Variants in TMPRSS13 observed in about 807,000 individuals in gnomAD.
TMPRSS13 encodes the protein transmembrane serine protease 13.
Under a neutral mutation model 68.4 loss-of-function variants are expected in TMPRSS13, and 50 were observed. The ratio of observed to expected loss-of-function variants is 0.73; its 90% confidence interval spans 0.58 to 0.93. The LOEUF (loss-of-function observed/expected upper bound fraction) is 0.93. Among genes scored for constraint, TMPRSS13 ranks in the 40% least tolerant of loss-of-function variants. TMPRSS13 has a pLI of 0.00. For synonymous variants in TMPRSS13, 267 were observed against 285.8 expected, an observed-to-expected ratio of 0.93 and a Z score of 0.66; for missense variants, 615 against 729.2, an observed-to-expected ratio of 0.84 and a Z score of 1.80.
At chr11:117,929,051 G>A (rs932379343) in intron 1 of TMPRSS13, among the ~76,000 whole-genome samples, 1 of 152,114 alleles carries the variant, frequency 6.6e-6, no homozygotes, top group African/African-American at 2.4e-5. Context: ...ATAGCCCTGG[G>A]GTGCTCACCA....
chr11:117,916,723 G>A (rs765669507), intron 3 of TMPRSS13, among the ~76,000 whole-genome samples: 1 of 152,184 alleles, frequency 6.6e-6, no homozygotes, highest in Non-Finnish European at 1.5e-5. Context: ...GTGTTTTCAT[G>A]TGTGTTTTTT....
At chr11:117,904,861 TTATA>T (rs58001868) in intron 10 of TMPRSS13, among the ~76,000 whole-genome samples, 192 of 100,644 alleles carry the variant, frequency 1.9e-3, no homozygotes, top group Non-Finnish European at 2.9e-3. Context: ...CTAGATAAGA[TTATA>T]TATATATATA....
At chr11:117,927,004 T>G (rs971125420) in intron 1 of TMPRSS13, among the ~76,000 whole-genome samples, 1 of 152,230 alleles carries the variant, frequency 6.6e-6, no homozygotes, top group African/African-American at 2.4e-5. Context: ...TCCTTACATA[T>G]TTTAAGTTCG....
rs1054457624 is a variant in TMPRSS13 at position 117,915,690 on chromosome 11, A to T, written c.557-1176T>A. 2.0e-5 allele frequency among the ~76,000 whole-genome samples: 3 copies of T among 152,206 alleles called. No individual in the cohort carries two copies. The highest frequency in any genetic ancestry group is 6.5e-5 in the Admixed American group (1 of 15,286). On this transcript the variant is annotated intron_variant, in intron 3 of 12. Transcript: ENST00000524993. This position sits in a 1 kb window ranked among gnomAD's most constrained non-coding sequence, Gnocchi z 4.9. ...AGTCAAGCCACCTCCTTAGCCCTGG[A>T]GGTCTAGAGGCCTCCCTGGCAGAGC...
At position 117,911,779 on chromosome 11, in the gene TMPRSS13, T is replaced by C. The variant is rs899425755; in HGVS notation, c.891A>G (p.Glu297=). The C allele has an allele frequency of 1.2e-6, 2 of 1,613,934 alleles. No homozygotes were observed. The highest frequency in any genetic ancestry group is 1.7e-6 in the Non-Finnish European group (2 of 1,179,934). Reference sequence around the variant, plus strand: ...CTGCCCCACCATACCTGTGGAGGCTTTCCTGGATGGTGGAGTTGTATCTCA... The same window carrying C: ...CTGCCCCACCATACCTGTGGAGGCTCTCCTGGATGGTGGAGTTGTATCTCA... ...SILRYNSTIQ[E]SLHRSECPSQ... The change falls in exon 6 of 13, where the codon GAA becomes GAG. Residue 297 remains glutamate (E), a synonymous_variant. Transcript: ENST00000524993.
chr11:117,908,857 G>A, intron 8 of TMPRSS13, 73 bp from the exon 9 acceptor site: 1 of 1,433,972 alleles, frequency 7.0e-7, no homozygotes, highest in East Asian at 2.4e-5. Flanking sequence ...GCTACCTACA[G>A]GGAGCCACAG....
In TMPRSS13 at chr11:117,922,470, C is replaced by T. The variant is rs1389473089; in HGVS notation, c.22-3632G>A. 6.6e-6 allele frequency among the ~76,000 whole-genome samples: 1 copy of T among 152,172 alleles called. No individual in the cohort carries two copies. Among genetic ancestry groups the T allele is most frequent in the Non-Finnish European group, 1.5e-5 (1 of 68,028 alleles). ...GGATGGTCTCGATCTCTTGATCTTG[C>T]GCCCGCCTCAGCCTCCCAAAGTGCT... On this transcript the variant is annotated intron_variant, in intron 1 of 12. Coordinates refer to ENST00000524993, the MANE Select transcript of TMPRSS13 (RefSeq NM_001077263.3). This position sits in a 1 kb window ranked among gnomAD's most constrained non-coding sequence, Gnocchi z 4.2.
At position 117,902,109 on chromosome 11, in the gene TMPRSS13, C is replaced by G; in HGVS notation, c.*130G>C. 1 of 940,340 alleles carries G rather than the reference C, an allele frequency of 1.1e-6. No individual in the cohort carries two copies. Among genetic ancestry groups the G allele is most frequent in the African/African-American group, 1.6e-5 (1 of 61,332 alleles). The allele number at this position is 940,340 out of a possible 1,614,324, so 58.2% of individuals were successfully genotyped here. On this transcript the variant is annotated 3_prime_UTR_variant, in exon 13 of 13. Coordinates refer to ENST00000524993, the MANE Select transcript of TMPRSS13 (RefSeq NM_001077263.3). The stretch of plus-strand genomic sequence containing the variant: ...ACACACACACACACACACACAGAGG[C>G]AGCAGACAGTGGAGGTGGGAGTCCG...
At chr11:117,904,214 T>G (rs2057440083) in intron 10 of TMPRSS13, 113 bp from the exon 11 acceptor site, 1 of 1,413,902 alleles carries the variant, frequency 7.1e-7, no homozygotes, top group Non-Finnish European at 9.5e-7. Flanking sequence ...CTCCTGGGAA[T>G]GGAGGGTGCC....
At chr11:117,908,534 C>A (rs144339133) in intron 9 of TMPRSS13, 78 bp downstream of exon 9, 3 of 1,492,810 alleles carry the variant, frequency 2.0e-6, no homozygotes, top group Admixed American at 2.0e-5. Context: ...TATGAGTTGA[C>A]AGATGCTGAC....
intron 1 of TMPRSS13, among the ~76,000 whole-genome samples, chr11:117,923,496 C>G (rs575022470): frequency 1.3e-5 from 2 of 152,172 alleles, no homozygotes; most frequent in East Asian, 1.9e-4. Flanking sequence ...TGCTGTGGAT[C>G]GAGCCCCAGG....
chr11:117,917,889 C>T (rs1377781118), intron 2 of TMPRSS13, among the ~76,000 whole-genome samples: 7 of 152,152 alleles, frequency 4.6e-5, no homozygotes, highest in Non-Finnish European at 8.8e-5. Context: ...GACCCAGTCC[C>T]CAAGGCCTAT....
At chr11:117,925,697 G>A (rs2057698390) in intron 1 of TMPRSS13, among the ~76,000 whole-genome samples, 1 of 152,206 alleles carries the variant, frequency 6.6e-6, no homozygotes, top group East Asian at 1.9e-4. Flanking sequence ...CTTCCCTCAT[G>A]CCTGCACCAC....
In TMPRSS13 at chr11:117,929,290, G is replaced by C. The variant is rs371734866; in HGVS notation, c.18C>G (p.His6Gln). Residue 6 changes from histidine to glutamine, a missense_variant, in exon 1 of 13, where the codon CAC becomes CAG. His to Gln is a conservative substitution (Grantham distance 24). Coordinates refer to ENST00000524993, the MANE Select transcript of TMPRSS13 (RefSeq NM_001077263.3). MERDS[H>Q]GNASPARTPS... ...CGAGGCCTGAGGTCACACTCACCCC[G>C]TGGCTGTCCCTCTCCATGGTCTCTG... is the stretch of plus-strand genomic sequence containing the variant. 2 of 1,605,424 alleles carry C rather than the reference G, an allele frequency of 1.2e-6. No homozygotes were observed. Among genetic ancestry groups the C allele is most frequent in the Non-Finnish European group, 1.7e-6 (2 of 1,176,420 alleles).
intron 12 of TMPRSS13, 149 bp from the exon 13 acceptor site, chr11:117,902,414 A>T: frequency 1.2e-6 from 1 of 847,186 alleles, no homozygotes; most frequent in Non-Finnish European, 2.0e-6. Flanking sequence ...GAAAGGATGG[A>T]TGCAGGATTG....
At chr11:117,925,345 T>G (rs1415914361) in intron 1 of TMPRSS13, among the ~76,000 whole-genome samples, 1 of 152,216 alleles carries the variant, frequency 6.6e-6, no homozygotes, top group Non-Finnish European at 1.5e-5. Context: ...ATGAAAAAGC[T>G]CAAGGAATCC....
At chr11:117,908,893 G>T in intron 8 of TMPRSS13, 109 bp from the exon 9 acceptor site, 1 of 1,174,096 alleles carries the variant, frequency 8.5e-7, no homozygotes, top group Non-Finnish European at 1.2e-6. Flanking sequence ...GGAGGCAGGA[G>T]GATGGATAAA....
intron 2 of TMPRSS13, among the ~76,000 whole-genome samples, chr11:117,918,001 C>G (rs1031383929): frequency 6.6e-6 from 1 of 152,166 alleles, no homozygotes; most frequent in African/African-American, 2.4e-5. Flanking sequence ...TTTCCTCCCC[C>G]ACCCACAGAT....
At chr11:117,925,406 CTCAT>C (rs147913685) in intron 1 of TMPRSS13, among the ~76,000 whole-genome samples, 5,470 of 152,246 alleles carry the variant, frequency 0.036, 321 homozygotes, top group African/African-American at 0.13. Flanking sequence ...CGTTCATTCA[CTCAT>C]TCATTCATTC....
Sources: allele counts gnomAD v4.1 joint callset (sites outside exome capture counted in the v4.1 genomes callset), GRCh38; gene constraint gnomAD v4.1.1; non-coding constraint Gnocchi (gnomAD v3.1); transcripts MANE v1.5; gene names NCBI Gene and HGNC (gene_info 2026-07-23, HGNC 2026-07-21).